Variants in SEM1 observed in about 807,000 individuals in gnomAD.
SEM1 encodes SEM1 26S proteasome subunit, also known as 26S proteasome complex subunit SEM1.
Under a neutral mutation model 12.7 loss-of-function variants are expected in SEM1, and 3 were observed. That is an observed-to-expected ratio of 0.24 (90% confidence interval 0.11 to 0.61). The LOEUF is 0.61. SEM1 is among the 20% of genes least tolerant of loss of function. The pLI is 0.88. For missense variants in SEM1, 59 were observed against 81.3 expected, an observed-to-expected ratio of 0.73 and a Z score of 1.06; for synonymous variants, 30 against 27.8, an observed-to-expected ratio of 1.08 and a Z score of -0.25.
intron 2 of SEM1, among the ~76,000 whole-genome samples, chr7:96,554,403 G>T (rs1284904028): frequency 7.3e-6 from 1 of 137,166 alleles, no homozygotes; most frequent in East Asian, 2.1e-4. Flanking sequence ...TTTTTAGCAT[G>T]AAGGGTTGTT....
At chr7:96,606,002 G>A (rs779875472) in intron 2 of SEM1, among the ~76,000 whole-genome samples, 25 of 152,132 alleles carry the variant, frequency 1.6e-4, no homozygotes, top group Non-Finnish European at 2.9e-4. Flanking sequence ...ATAAACTGCT[G>A]CAGTATTGCA....
chr7:96,598,394 AT>A (rs67429460), intron 2 of SEM1, among the ~76,000 whole-genome samples: 11,658 of 144,648 alleles, frequency 0.081, 620 homozygotes, highest in African/African-American at 0.16. Context: ...TCAGACTTGG[AT>A]TTTTTTTTTT....
At chr7:96,653,748 A>C (rs1809081502) in intron 2 of SEM1, 1 of 152,224 alleles carries the variant, frequency 6.6e-6, no homozygotes, top group Non-Finnish European at 1.5e-5. Flanking sequence ...GAGTTACCTA[A>C]TCTTCCCGAA....
intron 2 of SEM1, among the ~76,000 whole-genome samples, chr7:96,627,887 T>C (rs545759901): frequency 1.3e-5 from 2 of 152,174 alleles, no homozygotes; most frequent in Non-Finnish European, 1.5e-5. Context: ...TTAACTATGA[T>C]TGTATTGGAG....
At chr7:96,573,465 G>A (rs1297480976) in intron 2 of SEM1, among the ~76,000 whole-genome samples, 1 of 152,114 alleles carries the variant, frequency 6.6e-6, no homozygotes, top group Non-Finnish European at 1.5e-5. Flanking sequence ...AGGCCTAGTG[G>A]TGACAAAATC....
At chr7:96,615,241 CTT>C (rs60940244) in intron 2 of SEM1, among the ~76,000 whole-genome samples, 1 of 126,414 alleles carries the variant, frequency 7.9e-6, no homozygotes, top group African/African-American at 3.2e-5. Context: ...TTTGAGTCAT[CTT>C]TTTTTTTTTT....
intron 2 of SEM1, among the ~76,000 whole-genome samples, chr7:96,626,102 T>C (rs987231246): frequency 2.0e-5 from 3 of 152,092 alleles, no homozygotes; most frequent in African/African-American, 7.2e-5. Flanking sequence ...TATCAAATAA[T>C]AGGTCTTATT....
intron 2 of SEM1, among the ~76,000 whole-genome samples, chr7:96,556,535 T>G (rs1805508313): frequency 6.6e-6 from 1 of 152,188 alleles, no homozygotes; most frequent in Non-Finnish European, 1.5e-5. Flanking sequence ...CTCTTCTGTC[T>G]TCTAGGGTTT....
intron 2 of SEM1, among the ~76,000 whole-genome samples, chr7:96,581,452 G>A (rs918784339): frequency 4.6e-5 from 7 of 151,584 alleles, no homozygotes; most frequent in Non-Finnish European, 8.8e-5. Context: ...TTGGCGATGC[G>A]GGCTCTTTTT....
At chr7:96,482,315 G>C (rs1161311319) in exon 4 of SEM1, 1 of 152,142 alleles carries the variant, frequency 6.6e-6, no homozygotes, top group African/African-American at 2.4e-5. Context: ...AGTGATAAAG[G>C]CATCTGTGTG....
At chr7:96,566,902 G>A (rs1805857539) in intron 2 of SEM1, among the ~76,000 whole-genome samples, 1 of 151,514 alleles carries the variant, frequency 6.6e-6, no homozygotes, top group Non-Finnish European at 1.5e-5. Flanking sequence ...ATTTGTTTGG[G>A]CATGGTTTTG....
chr7:96,584,102 G>A (rs955287143), intron 2 of SEM1, among the ~76,000 whole-genome samples: 3 of 152,114 alleles, frequency 2.0e-5, no homozygotes, highest in Non-Finnish European at 4.4e-5. Flanking sequence ...GCAGTGGCTG[G>A]TACCAGTTGT....
intron 2 of SEM1, among the ~76,000 whole-genome samples, chr7:96,635,985 T>C (rs1390489720): frequency 6.6e-6 from 1 of 152,130 alleles, no homozygotes; most frequent in Non-Finnish European, 1.5e-5. Flanking sequence ...AATGTGTATT[T>C]TCATTTTGTA....
intron 2 of SEM1, among the ~76,000 whole-genome samples, chr7:96,599,122 T>A (rs1404508): frequency 6.6e-6 from 1 of 151,986 alleles, no homozygotes; most frequent in Non-Finnish European, 1.5e-5. Context: ...GAGCAGAGAT[T>A]GCTTGCCTTT....
chr7:96,622,319 T>C, downstream of SEM1: 3 of 410,978 alleles, frequency 7.3e-6, no homozygotes, highest in Admixed American at 3.8e-5. Context: ...TGCTTGAAGC[T>C]GGCCTTAAAT....
chr7:96,597,248 A>C (rs1276495836), intron 2 of SEM1, among the ~76,000 whole-genome samples: 1 of 152,196 alleles, frequency 6.6e-6, no homozygotes, highest in Non-Finnish European at 1.5e-5. Flanking sequence ...TATACGTGAA[A>C]TAATGCATCT....
At chr7:96,621,045 C>T (rs532858925), downstream of SEM1, among the ~76,000 whole-genome samples, 1 of 152,208 alleles carries the variant, frequency 6.6e-6, no homozygotes, top group Non-Finnish European at 1.5e-5. Flanking sequence ...CATGAACACA[C>T]TATGTATGAC....
intron 2 of SEM1, among the ~76,000 whole-genome samples, chr7:96,661,207 C>T (rs997867927): frequency 1.1e-4 from 17 of 152,260 alleles, no homozygotes; most frequent in African/African-American, 3.4e-4. Context: ...TTCTGTACTC[C>T]TCATCACTAT....
intron 1 of SEM1, among the ~76,000 whole-genome samples, chr7:96,490,724 G>A (rs1231549269): frequency 6.6e-6 from 1 of 152,206 alleles, no homozygotes; most frequent in Non-Finnish European, 1.5e-5. Context: ...ACATTGGAAG[G>A]TGTGCTGTGG....
Sources: allele counts gnomAD v4.1 joint callset (sites outside exome capture counted in the v4.1 genomes callset), GRCh38; gene constraint gnomAD v4.1.1; transcripts MANE v1.5; gene names NCBI Gene and HGNC (gene_info 2026-07-23, HGNC 2026-07-21).